ARHGAP24: variants seen among roughly 807,000 people sequenced by gnomAD.
The protein encoded by ARHGAP24 is rho GTPase-activating protein 24.
In ARHGAP24, 50 loss-of-function variants were observed where a neutral mutation model predicts 76.4. The ratio of observed to expected loss-of-function variants is 0.65; its 90% confidence interval spans 0.52 to 0.83. ARHGAP24 has a LOEUF of 0.83. ARHGAP24 is among the 40% of genes least tolerant of loss of function. The pLI is 0.00. For missense variants in ARHGAP24, 930 were observed against 914.2 expected, an observed-to-expected ratio of 1.02 and a Z score of -0.22; for synonymous variants, 345 against 323.3, an observed-to-expected ratio of 1.07 and a Z score of -0.72.
chr4:85,970,544 A>G (rs570458468), intron 5 of ARHGAP24, among the ~76,000 whole-genome samples: 1 of 152,234 alleles, frequency 6.6e-6, no homozygotes, highest in East Asian at 1.9e-4. Context: ...GTAGATGTGC[A>G]GTAAATATTT....
At chr4:85,633,392 C>T (rs576506751) in intron 2 of ARHGAP24, among the ~76,000 whole-genome samples, 174 of 151,974 alleles carry the variant, frequency 1.1e-3, no homozygotes, top group Middle Eastern at 0.01. Context: ...CTGCTCCTTT[C>T]TCATCAAGTA....
At chr4:85,566,665 G>A (rs1429562290) in intron 1 of ARHGAP24, among the ~76,000 whole-genome samples, 3 of 152,178 alleles carry the variant, frequency 2.0e-5, no homozygotes, top group African/African-American at 7.2e-5. Context: ...AAGGCACTGG[G>A]TATCACTGGG....
intron 1 of ARHGAP24, among the ~76,000 whole-genome samples, chr4:85,505,357 C>T (rs1053113304): frequency 6.6e-6 from 1 of 152,212 alleles, no homozygotes; most frequent in Admixed American, 6.5e-5. Flanking sequence ...TTCAGGTACA[C>T]CAATCAAACG....
chr4:85,985,397 C>G (rs549151371), intron 8 of ARHGAP24, among the ~76,000 whole-genome samples: 60 of 152,062 alleles, frequency 3.9e-4, no homozygotes, highest in Non-Finnish European at 7.6e-4. Flanking sequence ...AACCAAATAC[C>G]TCATGTTCTC....
chr4:85,813,818 TTATATATA>T (rs35261368), intron 3 of ARHGAP24, among the ~76,000 whole-genome samples: 1,438 of 137,136 alleles, frequency 0.01, 41 homozygotes, highest in African/African-American at 0.037. Flanking sequence ...TATATTTATT[TTATATATA>T]TATATATATA....
chr4:85,765,472 TG>T (rs778986685), intron 3 of ARHGAP24, among the ~76,000 whole-genome samples: 1 of 152,066 alleles, frequency 6.6e-6, no homozygotes. Context: ...AAAAAGATTT[TG>T]GGGGTGATAT....
chr4:85,599,651 A>G (rs1249351398), intron 2 of ARHGAP24, among the ~76,000 whole-genome samples: 4 of 152,128 alleles, frequency 2.6e-5, no homozygotes, highest in African/African-American at 9.7e-5. Context: ...TGAGAAATAC[A>G]CATGAATTGC....
intron 1 of ARHGAP24, among the ~76,000 whole-genome samples, chr4:85,495,706 C>T (rs1723552607): frequency 6.6e-6 from 1 of 152,018 alleles, no homozygotes; most frequent in Non-Finnish European, 1.5e-5. Flanking sequence ...GGGAGATTGA[C>T]TACTAGTAGT....
chr4:85,673,920 C>G (rs899459651), intron 2 of ARHGAP24, among the ~76,000 whole-genome samples: 1 of 151,794 alleles, frequency 6.6e-6, no homozygotes, highest in Non-Finnish European at 1.5e-5. Context: ...CATTTTGTTG[C>G]GTAGCTTGTA....
At chr4:85,634,686 C>A (rs1721256322) in intron 2 of ARHGAP24, among the ~76,000 whole-genome samples, 1 of 151,838 alleles carries the variant, frequency 6.6e-6, no homozygotes, top group South Asian at 2.1e-4. Flanking sequence ...GATGAAACTA[C>A]CACTACCAGT....
intron 3 of ARHGAP24, among the ~76,000 whole-genome samples, chr4:85,861,000 G>GCACACACACA (rs70948764): frequency 4.6e-4 from 63 of 137,506 alleles, no homozygotes; most frequent in Non-Finnish European, 7.2e-4. Context: ...GTGCATGCAC[G>GCACACACACA]CACACACACA....
intron 1 of ARHGAP24, among the ~76,000 whole-genome samples, chr4:85,545,781 T>C (rs1006995531): frequency 3.3e-5 from 5 of 152,210 alleles, no homozygotes; most frequent in Non-Finnish European, 5.9e-5. Context: ...ACAACATGTA[T>C]ATGATATGTA....
chr4:85,977,975 A>T (rs1017670612), intron 8 of ARHGAP24, among the ~76,000 whole-genome samples: 1 of 152,262 alleles, frequency 6.6e-6, no homozygotes, highest in African/African-American at 2.4e-5. Flanking sequence ...ACTGAAAAAA[A>T]CTACCTCACT....
At chr4:85,836,682 C>G (rs1730309595) in intron 3 of ARHGAP24, among the ~76,000 whole-genome samples, 1 of 152,162 alleles carries the variant, frequency 6.6e-6, no homozygotes, top group East Asian at 1.9e-4. Flanking sequence ...TAATTCAACC[C>G]CTAGCATTGG....
At chr4:85,621,711 G>C (rs781734603) in intron 2 of ARHGAP24, among the ~76,000 whole-genome samples, 2 of 152,064 alleles carry the variant, frequency 1.3e-5, no homozygotes, top group Non-Finnish European at 2.9e-5. Context: ...CCATTCTGTA[G>C]GTTATCTTTC....
intron 2 of ARHGAP24, among the ~76,000 whole-genome samples, chr4:85,716,803 C>A (rs1194325157): frequency 6.6e-6 from 1 of 152,106 alleles, no homozygotes; most frequent in African/African-American, 2.4e-5. Flanking sequence ...GAACCCCTGA[C>A]CACTCTTAGC....
intron 3 of ARHGAP24, among the ~76,000 whole-genome samples, chr4:85,844,992 G>A (rs1578289514): frequency 2.0e-5 from 3 of 152,206 alleles, no homozygotes; most frequent in South Asian, 2.1e-4. Context: ...ATCATTGACC[G>A]AGAGGTTGGA....
intron 1 of ARHGAP24, among the ~76,000 whole-genome samples, chr4:85,480,211 C>T (rs1455631390): frequency 6.6e-6 from 1 of 152,012 alleles, no homozygotes; most frequent in Non-Finnish European, 1.5e-5. Context: ...TATCTTGGCA[C>T]CTTATGTTAT....
intron 3 of ARHGAP24, among the ~76,000 whole-genome samples, chr4:85,856,326 A>T (rs1311101294): frequency 6.6e-6 from 1 of 152,206 alleles, no homozygotes; most frequent in Non-Finnish European, 1.5e-5. Flanking sequence ...GTATAAAAAC[A>T]TATAGATCTG....
Sources: allele counts gnomAD v4.1 joint callset (sites outside exome capture counted in the v4.1 genomes callset), GRCh38; gene constraint gnomAD v4.1.1; transcripts MANE v1.5; gene names NCBI Gene and HGNC (gene_info 2026-07-23, HGNC 2026-07-21).